The following LRRTM4 variants were observed in gnomAD, a reference collection of about 807,000 sequenced individuals.
The protein encoded by LRRTM4 is leucine rich repeat transmembrane neuronal 4.
Under a neutral mutation model 47.6 loss-of-function variants are expected in LRRTM4, and 25 were observed. That is an observed-to-expected ratio of 0.53 (90% CI 0.38 to 0.73). LRRTM4 has a LOEUF of 0.73. LRRTM4 is among the 30% of genes least tolerant of loss of function. The probability of loss-of-function intolerance (pLI) is 0.00; values close to 1 mark genes in which losing one functional copy is unlikely to be tolerated. For missense variants in LRRTM4, 638 were observed against 713.4 expected (o/e 0.89, Z 1.20); for synonymous variants, 311 against 269.5 (o/e 1.15, Z -1.51).
intron 3 of LRRTM4, among the ~76,000 whole-genome samples, chr2:77,267,711 A>G (rs954141377): frequency 1.4e-5 from 2 of 140,488 alleles, no homozygotes; most frequent in African/African-American, 5.3e-5. Flanking sequence ...TTTTTTTTTG[A>G]TAATGCTCCT....
intron 3 of LRRTM4, among the ~76,000 whole-genome samples, chr2:77,365,105 A>G (rs1672391282): frequency 6.6e-6 from 1 of 152,080 alleles, no homozygotes; most frequent in Admixed American, 6.6e-5. Context: ...GGAAAAAATA[A>G]TAAAAGAGTA....
chr2:77,428,041 G>T (rs1675194824), intron 3 of LRRTM4, among the ~76,000 whole-genome samples: 1 of 152,130 alleles, frequency 6.6e-6, no homozygotes, highest in African/African-American at 2.4e-5. Flanking sequence ...GAGAGTGAGT[G>T]AGTTCTCACA....
intron 3 of LRRTM4, among the ~76,000 whole-genome samples, chr2:77,105,493 A>G (rs1001520719): frequency 3.3e-4 from 39 of 119,150 alleles, no homozygotes; most frequent in Non-Finnish European, 5.5e-4. Flanking sequence ...GGAACATCAC[A>G]CACCGGGGCC....
chr2:76,986,268 TTTC>T (rs1223516758), intron 3 of LRRTM4, among the ~76,000 whole-genome samples: 1 of 151,914 alleles, frequency 6.6e-6, no homozygotes, highest in Non-Finnish European at 1.5e-5. Context: ...ATTATTATCC[TTTC>T]TTCTGCTATT....
At chr2:77,477,884 A>G (rs560173339) in intron 3 of LRRTM4, among the ~76,000 whole-genome samples, 2 of 133,978 alleles carry the variant, frequency 1.5e-5, no homozygotes, top group East Asian at 4.5e-4. Context: ...AAAGAAAGAG[A>G]AAGAAAGAAA....
intron 3 of LRRTM4, among the ~76,000 whole-genome samples, chr2:77,178,634 T>G (rs902519445): frequency 2.0e-5 from 3 of 152,116 alleles, no homozygotes; most frequent in African/African-American, 7.2e-5. Context: ...ACTTTTTTCT[T>G]TACTGTTTCC....
At chr2:77,282,450 C>T (rs547103753) in intron 3 of LRRTM4, among the ~76,000 whole-genome samples, 116 of 150,554 alleles carry the variant, frequency 7.7e-4, no homozygotes, top group African/African-American at 2.6e-3. Context: ...TTTTCTTTTC[C>T]CTGATTGCTC....
intron 3 of LRRTM4, among the ~76,000 whole-genome samples, chr2:77,257,823 G>A (rs1206939464): frequency 1.3e-5 from 2 of 152,002 alleles, no homozygotes; most frequent in Non-Finnish European, 2.9e-5. Flanking sequence ...AAACGACCAT[G>A]TGGGAAGATA....
chr2:77,239,569 A>G (rs1310849493), intron 3 of LRRTM4, among the ~76,000 whole-genome samples: 1 of 151,938 alleles, frequency 6.6e-6, no homozygotes, highest in Middle Eastern at 3.2e-3. Context: ...AGTTATAGAT[A>G]GGTTCAAAGC....
At chr2:77,028,064 G>A (rs918063263) in intron 3 of LRRTM4, among the ~76,000 whole-genome samples, 1 of 151,836 alleles carries the variant, frequency 6.6e-6, no homozygotes, top group African/African-American at 2.4e-5. Flanking sequence ...CAGATTTGAT[G>A]AGGCTTTGCT....
At chr2:77,322,815 G>A (rs567794888) in intron 3 of LRRTM4, among the ~76,000 whole-genome samples, 592 of 147,880 alleles carry the variant, frequency 4.0e-3, no homozygotes, top group Middle Eastern at 6.9e-3. Context: ...TGGGATGTTG[G>A]AACTACATAA....
At chr2:76,838,850 ATATT>A (rs973890437) in intron 3 of LRRTM4, among the ~76,000 whole-genome samples, 46 of 152,130 alleles carry the variant, frequency 3.0e-4, no homozygotes, top group Admixed American at 2.6e-3. Context: ...AAAATTTCAG[ATATT>A]TATTATACAT....
chr2:77,514,145 A>G (rs1679123067), intron 3 of LRRTM4, among the ~76,000 whole-genome samples: 1 of 152,002 alleles, frequency 6.6e-6, no homozygotes, highest in South Asian at 2.1e-4. Flanking sequence ...ATATACAAAT[A>G]CAGTTTCAAT....
At chr2:77,461,138 T>TGAGAGA (rs72075725) in intron 3 of LRRTM4, among the ~76,000 whole-genome samples, 7,975 of 145,400 alleles carry the variant, frequency 0.055, 301 homozygotes, top group East Asian at 0.18. Flanking sequence ...ACATACACAG[T>TGAGAGA]GAGAGAGAGA....
chr2:77,000,321 A>G (rs576335797), intron 3 of LRRTM4, among the ~76,000 whole-genome samples: 10 of 151,694 alleles, frequency 6.6e-5, no homozygotes, highest in African/African-American at 2.2e-4. Flanking sequence ...AAAAAAAAAA[A>G]GGGTTAGTAA....
chr2:77,105,507 T>A (rs1455714849), intron 3 of LRRTM4, among the ~76,000 whole-genome samples: 7 of 81,988 alleles, frequency 8.5e-5, no homozygotes, highest in African/African-American at 3.5e-4. Flanking sequence ...CGGGGCCTGT[T>A]GTGGGGTGGG....
At chr2:76,954,041 T>A (rs1675586904) in intron 3 of LRRTM4, among the ~76,000 whole-genome samples, 1 of 151,658 alleles carries the variant, frequency 6.6e-6, no homozygotes, top group Admixed American at 6.6e-5. Flanking sequence ...GTATAAAAGA[T>A]TTGAGAAGCC....
At chr2:77,281,947 T>C (rs1676517894) in intron 3 of LRRTM4, among the ~76,000 whole-genome samples, 1 of 151,930 alleles carries the variant, frequency 6.6e-6, no homozygotes, top group South Asian at 2.1e-4. Flanking sequence ...GATTTTTAAA[T>C]AGAACATCTT....
intron 3 of LRRTM4, among the ~76,000 whole-genome samples, chr2:77,003,048 G>C (rs1040244549): frequency 2.0e-5 from 3 of 151,884 alleles, no homozygotes; most frequent in African/African-American, 7.2e-5. Flanking sequence ...CCATATAGTG[G>C]GTACTCAGTA....
Sources: allele counts gnomAD v4.1 joint callset (sites outside exome capture counted in the v4.1 genomes callset), GRCh38; gene constraint gnomAD v4.1.1; transcripts MANE v1.5; gene names NCBI Gene and HGNC (gene_info 2026-07-23, HGNC 2026-07-21).